TTC1: variants seen among roughly 807,000 people sequenced by gnomAD.
TTC1 encodes the protein tetratricopeptide repeat domain 1.
Under a neutral mutation model 37.6 loss-of-function variants are expected in TTC1, and 31 were observed. The observed-to-expected ratio is 0.82, with a 90% CI of 0.62 to 1.11. The LOEUF is 1.11. Among genes scored for constraint, TTC1 ranks in the 50% most tolerant of loss-of-function variants. The pLI, the probability that TTC1 is intolerant of heterozygous loss-of-function variation, is 0.00. For missense variants in TTC1, 351 were observed against 339.0 expected (o/e 1.04, Z -0.28); for synonymous variants, 127 against 122.4 (o/e 1.04, Z -0.25).
At chr5:160,021,801 A>C (rs922615093) in intron 2 of TTC1, among the ~76,000 whole-genome samples, 2 of 152,118 alleles carry the variant, frequency 1.3e-5, no homozygotes, top group Non-Finnish European at 2.9e-5. Flanking sequence ...CAGTATTTGC[A>C]TTCCAAGTGT....
chr5:160,036,659 A>G, intron 3 of TTC1, 32 bp from the exon 4 acceptor site: 2 of 1,449,564 alleles, frequency 1.4e-6, no homozygotes, highest in Non-Finnish European at 1.9e-6. Flanking sequence ...AATAAAATCA[A>G]AATGACCATT....
intron 6 of TTC1, among the ~76,000 whole-genome samples, chr5:160,050,519 T>G (rs1031427662): frequency 6.6e-6 from 1 of 152,156 alleles, no homozygotes; most frequent in African/African-American, 2.4e-5. Flanking sequence ...ACATCTGATA[T>G]GTATCCTTTC....
intron 2 of TTC1, among the ~76,000 whole-genome samples, chr5:160,017,697 A>G (rs757600049): frequency 3.3e-5 from 5 of 152,214 alleles, no homozygotes; most frequent in Admixed American, 6.5e-5. Context: ...TAGGTAATTC[A>G]TATGCACATG....
intron 7 of TTC1, among the ~76,000 whole-genome samples, chr5:160,056,977 C>CT (rs1326175035): frequency 7.1e-4 from 104 of 147,460 alleles, no homozygotes; most frequent in Non-Finnish European, 8.9e-4. Flanking sequence ...GAAACCCAGT[C>CT]TTTTTTTTTT....
chr5:160,027,321 G>A (rs1382514187), intron 2 of TTC1, among the ~76,000 whole-genome samples: 1 of 152,156 alleles, frequency 6.6e-6, no homozygotes, highest in Non-Finnish European at 1.5e-5. Flanking sequence ...GAGCCACTGT[G>A]CCCAGCCCTA....
rs112525471 is a variant in TTC1 at position 160,062,955 on chromosome 5, C to T, written c.746-1977C>T. On this transcript the variant is annotated intron_variant, in intron 7 of 7. Transcript: ENST00000231238. ...GCCCCTCCCTCTACGCCCATGTGCC[C>T]GAGGCTGTGCCGCTGCCTTGTGCAG... 4.2e-3 allele frequency among the ~76,000 whole-genome samples: 636 copies of T among 152,252 alleles called. 5 individuals carry two copies. The highest frequency in any genetic ancestry group is 0.015 in the African/African-American group (613 of 41,538).
chr5:160,057,137 G>A lies in TTC1; in HGVS notation c.745+5954G>A, dbSNP rs1369629186. Among the ~76,000 whole-genome samples, 1 of 152,160 alleles carries A rather than the reference G, an allele frequency of 6.6e-6. No individual in the cohort carries two copies. Among genetic ancestry groups the A allele is most frequent in the Non-Finnish European group, 1.5e-5 (1 of 68,040 alleles). On this transcript the variant is annotated intron_variant, in intron 7 of 7. Transcript: ENST00000231238. The surrounding 1 kb of genome is among the most constrained non-coding windows in gnomAD (Gnocchi z 4.4). ...AGTAGAGAATATCAGTAGCTTTTCA[G>A]TGCTTTGCTTTTGTCTTCATTTCCT...
At chr5:160,021,837 A>G (rs1756715157) in intron 2 of TTC1, among the ~76,000 whole-genome samples, 1 of 152,176 alleles carries the variant, frequency 6.6e-6, no homozygotes, top group African/African-American at 2.4e-5. Flanking sequence ...CCTAGATAAG[A>G]CTAAAGCAGA....
intron 5 of TTC1, among the ~76,000 whole-genome samples, chr5:160,045,507 CA>C (rs1757203141): frequency 4.5e-5 from 4 of 88,400 alleles, no homozygotes; most frequent in Non-Finnish European, 4.6e-5. Flanking sequence ...CACACACACA[CA>C]CACACATACA....
chr5:160,047,188 A>T (rs1020662973), intron 5 of TTC1, among the ~76,000 whole-genome samples: 1 of 152,088 alleles, frequency 6.6e-6, no homozygotes, highest in African/African-American at 2.4e-5. Context: ...AGTGTCCTGT[A>T]TCCCACTGCA....
At chr5:160,051,268 A>T (rs1757397887) in intron 7 of TTC1, 85 bp downstream of exon 7, 3 of 1,125,840 alleles carry the variant, frequency 2.7e-6, no homozygotes, top group East Asian at 4.8e-5. Context: ...AGAACACATG[A>T]GTTAGAAAGT....
intron 2 of TTC1, among the ~76,000 whole-genome samples, chr5:160,030,271 C>T (rs1028384784): frequency 1.3e-5 from 2 of 152,060 alleles, no homozygotes; most frequent in Non-Finnish European, 2.9e-5. Context: ...ATGGGGGACA[C>T]ATAAGCAAAC....
intron 7 of TTC1, among the ~76,000 whole-genome samples, chr5:160,055,692 G>A (rs1757527460): frequency 6.6e-6 from 1 of 152,220 alleles, no homozygotes; most frequent in Non-Finnish European, 1.5e-5. Flanking sequence ...TGACCCTGAT[G>A]AGTTGAGAGA....
chr5:160,027,302 T>C (rs1361708651), intron 2 of TTC1, among the ~76,000 whole-genome samples: 2 of 152,258 alleles, frequency 1.3e-5, no homozygotes, highest in Admixed American at 1.3e-4. Flanking sequence ...GTGCTGAAAT[T>C]ACTGGCAGGA....
At chr5:160,056,173 C>G (rs1354744581) in intron 7 of TTC1, among the ~76,000 whole-genome samples, 5 of 152,218 alleles carry the variant, frequency 3.3e-5, no homozygotes, top group African/African-American at 1.2e-4. Flanking sequence ...GAAACCATAA[C>G]ACAAAGACAG....
chr5:160,018,509 A>G (rs1280302751), intron 2 of TTC1, among the ~76,000 whole-genome samples: 1 of 152,120 alleles, frequency 6.6e-6, no homozygotes, highest in East Asian at 1.9e-4. Flanking sequence ...CTAAAGTAAC[A>G]ACAAGTTTGG....
chr5:160,049,427 A>C (rs531817496), intron 5 of TTC1, 87 bp from the exon 6 acceptor site: 1 of 1,236,528 alleles, frequency 8.1e-7, no homozygotes, highest in East Asian at 2.6e-5. Context: ...GTATCCTTGG[A>C]GGATGATTGA....
intron 6 of TTC1, among the ~76,000 whole-genome samples, chr5:160,050,425 C>T (rs1338877387): frequency 2.0e-5 from 3 of 151,868 alleles, no homozygotes; most frequent in South Asian, 2.1e-4. Flanking sequence ...CCAGTCTGGG[C>T]GACAGTGTGA....
intron 2 of TTC1, among the ~76,000 whole-genome samples, chr5:160,015,113 G>C (rs1050753282): frequency 1.3e-5 from 2 of 152,168 alleles, no homozygotes; most frequent in Non-Finnish European, 1.5e-5. Context: ...AAAAGACTAA[G>C]TGATTAGAGT....
Sources: gnomAD v4.1 joint callset for allele counts (sites outside exome capture counted in the v4.1 genomes callset) on GRCh38, gnomAD v4.1.1 for gene constraint, Gnocchi (gnomAD v3.1) non-coding constraint, MANE v1.5 for transcripts, NCBI Gene and HGNC (gene_info 2026-07-23, HGNC 2026-07-21) for gene names.